RASA2: variants seen among roughly 807,000 people sequenced by gnomAD.
The protein encoded by RASA2 is RAS p21 protein activator 2, also known as ras GTPase-activating protein 2.
Under a neutral mutation model 118.2 loss-of-function variants are expected in RASA2, and 155 were observed. The ratio of observed to expected loss-of-function variants is 1.31; its 90% confidence interval spans 1.15 to 1.50. RASA2 has a LOEUF of 1.50. Among genes scored for constraint, RASA2 ranks in the 40% most tolerant of loss-of-function variants. The pLI is 0.00. For missense variants in RASA2, 1,016 were observed against 1,009.6 expected (o/e 1.01, Z -0.09); for synonymous variants, 353 against 349.1 (o/e 1.01, Z -0.12).
intron 1 of RASA2, among the ~76,000 whole-genome samples, chr3:141,506,975 T>G (rs2081878851): frequency 6.7e-6 from 1 of 149,728 alleles, no homozygotes; most frequent in South Asian, 2.1e-4. Flanking sequence ...CATGAAAATA[T>G]GAATACTGTA....
chr3:141,504,044 A>T (rs919790995), intron 1 of RASA2, among the ~76,000 whole-genome samples: 1 of 152,196 alleles, frequency 6.6e-6, no homozygotes, highest in African/African-American at 2.4e-5. Context: ...ACACGCATTG[A>T]TACTTATTCA....
intron 13 of RASA2, 85 bp downstream of exon 13, chr3:141,573,306 A>G: frequency 1.5e-6 from 2 of 1,373,942 alleles, no homozygotes; most frequent in Non-Finnish European, 1.9e-6. Flanking sequence ...TGATAAAGCC[A>G]TATAGAGGGA....
chr3:141,595,208 A>G (rs2083347898), intron 19 of RASA2, among the ~76,000 whole-genome samples: 1 of 152,240 alleles, frequency 6.6e-6, no homozygotes, highest in Non-Finnish European at 1.5e-5. Flanking sequence ...CAAAAATCAG[A>G]TGAGACAGAC....
chr3:141,585,961 T>G, intron 17 of RASA2, 64 bp from the exon 18 acceptor site: 1 of 1,332,028 alleles, frequency 7.5e-7, no homozygotes, highest in Non-Finnish European at 1.0e-6. Context: ...ACATGTAAGA[T>G]AAACTGAATT....
intron 5 of RASA2, among the ~76,000 whole-genome samples, chr3:141,546,941 T>G (rs1283484497): frequency 1.3e-5 from 2 of 152,188 alleles, no homozygotes; most frequent in Non-Finnish European, 2.9e-5. Flanking sequence ...CCAGCACCAT[T>G]TATTGAAGAA....
chr3:141,513,078 A>AC (rs1414488993), intron 2 of RASA2, among the ~76,000 whole-genome samples: 19 of 148,224 alleles, frequency 1.3e-4, no homozygotes, highest in Non-Finnish European at 1.2e-4. Flanking sequence ...AAAAAAAAAA[A>AC]AACAAAAAAA....
At chr3:141,533,511 A>C (rs1205403225) in intron 4 of RASA2, among the ~76,000 whole-genome samples, 1 of 152,212 alleles carries the variant, frequency 6.6e-6, no homozygotes, top group East Asian at 1.9e-4. Flanking sequence ...CAGAAATGTA[A>C]TTTAGCTTTC....
chr3:141,553,682 A>G (rs973597536), intron 5 of RASA2, among the ~76,000 whole-genome samples, 175 bp from the exon 6 acceptor site: 13 of 152,222 alleles, frequency 8.5e-5, no homozygotes, highest in African/African-American at 2.9e-4. Context: ...ATGCATACAT[A>G]CATATGTCCA....
intron 23 of RASA2, 62 bp downstream of exon 23, chr3:141,610,128 G>T: frequency 2.9e-6 from 4 of 1,375,944 alleles, no homozygotes; most frequent in Non-Finnish European, 3.9e-6. Flanking sequence ...TGCCTCTCCT[G>T]CCCCAACCTC....
intron 15 of RASA2, among the ~76,000 whole-genome samples, chr3:141,580,058 G>GAAAAAA (rs1224245090): frequency 1.1e-4 from 2 of 18,724 alleles, no homozygotes; most frequent in African/African-American, 2.6e-4. Context: ...TCCATCTCAG[G>GAAAAAA]AAAAAAAAAA....
At chr3:141,549,509 G>T (rs2082541012) in intron 5 of RASA2, among the ~76,000 whole-genome samples, 1 of 151,882 alleles carries the variant, frequency 6.6e-6, no homozygotes, top group South Asian at 2.1e-4. Flanking sequence ...GTGTGTGTGT[G>T]TGTGTTTGCA....
At chr3:141,597,238 A>C (rs1577810872) in intron 19 of RASA2, among the ~76,000 whole-genome samples, 1 of 152,112 alleles carries the variant, frequency 6.6e-6, no homozygotes, top group African/African-American at 2.4e-5. Context: ...CTGTCTCTAC[A>C]AAAAATAATA....
chr3:141,575,316 A>G (rs143404303), intron 14 of RASA2, among the ~76,000 whole-genome samples: 2 of 152,252 alleles, frequency 1.3e-5, no homozygotes, highest in African/African-American at 2.4e-5. Flanking sequence ...TAACATGTAG[A>G]TAAATTTAGA....
chr3:141,594,457 T>TA (rs2083335572), intron 19 of RASA2, among the ~76,000 whole-genome samples: 1 of 151,912 alleles, frequency 6.6e-6, no homozygotes, highest in Non-Finnish European at 1.5e-5. Flanking sequence ...GCAAGCATGA[T>TA]AAACGCAAAG....
intron 3 of RASA2, among the ~76,000 whole-genome samples, chr3:141,528,916 T>C (rs886457679): frequency 1.3e-5 from 2 of 148,244 alleles, no homozygotes; most frequent in Admixed American, 1.3e-4. Flanking sequence ...TGTTGAAACT[T>C]TTGTGTAGAA....
chr3:141,557,191 C>T (rs1332611123), intron 7 of RASA2, among the ~76,000 whole-genome samples: 3 of 152,136 alleles, frequency 2.0e-5, no homozygotes, highest in Admixed American at 6.5e-5. Flanking sequence ...CTTGTTAGGC[C>T]TTGCAACATT....
intron 1 of RASA2, among the ~76,000 whole-genome samples, chr3:141,507,607 G>A (rs1339288999): frequency 3.3e-5 from 5 of 152,196 alleles, no homozygotes; most frequent in East Asian, 1.9e-4. Context: ...TCAGTAAGCC[G>A]TTGTTGTTGC....
intron 5 of RASA2, among the ~76,000 whole-genome samples, chr3:141,550,504 T>C (rs1453999542): frequency 6.6e-6 from 1 of 152,224 alleles, no homozygotes; most frequent in East Asian, 1.9e-4. Context: ...TTGGTGAAAT[T>C]TGAGTAAGGG....
intron 10 of RASA2, 146 bp downstream of exon 10, chr3:141,571,214 AT>A (rs1225834072): frequency 1.7e-6 from 2 of 1,162,314 alleles, no homozygotes; most frequent in Non-Finnish European, 2.4e-6. Context: ...ACACATTTCT[AT>A]TTATCTGAAC....
Sources: gnomAD v4.1 joint callset for allele counts (sites outside exome capture counted in the v4.1 genomes callset) on GRCh38, gnomAD v4.1.1 for gene constraint, MANE v1.5 for transcripts, NCBI Gene and HGNC (gene_info 2026-07-23, HGNC 2026-07-21) for gene names.